Variants in CHM observed in about 807,000 individuals in gnomAD.
CHM encodes the protein rab proteins geranylgeranyltransferase component A 1.
Under a neutral mutation model 49.0 loss-of-function variants are expected in CHM, and 10 were observed. That is an observed-to-expected ratio of 0.20 (90% CI 0.13 to 0.35). CHM has a LOEUF of 0.35. Ranked by LOEUF, CHM falls within the 10% of genes least tolerant of loss-of-function variation. CHM has a pLI of 1.00. For missense variants in CHM, 455 were observed against 478.4 expected (o/e 0.95, Z 0.46); for synonymous variants, 184 against 167.5 (o/e 1.10, Z -0.76).
intron 12 of CHM, among the ~76,000 whole-genome samples, chrX:85,884,257 T>C (rs1924948378): frequency 9.0e-6 from 1 of 111,052 alleles, no homozygotes. Flanking sequence ...AAAACATAAC[T>C]TTACTACTTT....
chrX:85,943,159 A>T (rs1218376148), intron 8 of CHM, among the ~76,000 whole-genome samples: 1 of 109,930 alleles, frequency 9.1e-6, no homozygotes, highest in Admixed American at 9.8e-5. Context: ...AATGGGAGAA[A>T]ATTTTTGCAA....
rs1923571689 is a variant in CHM at position 85,864,639 on chromosome X, G to A, written c.1953C>T (p.Ser651=). ...ESTNLGNLEE[S]SE is the part of the protein sequence containing the mutation. ...GTTTGGTGTATATCCATTATTCAGAGGACTCCTCTAGGTTTCCAAGGTTTG... is the reference window on the plus strand; with the variant it reads ...GTTTGGTGTATATCCATTATTCAGAAGACTCCTCTAGGTTTCCAAGGTTTG... The change falls in exon 15 of 15, where the codon TCC becomes TCT. Residue 651 remains serine, a synonymous_variant. Transcript: ENST00000357749. 1 of 1,206,891 alleles carries A rather than the reference G, an allele frequency of 8.3e-7. No individual in the cohort carries two copies. The highest frequency in any genetic ancestry group is 2.2e-5 in the Admixed American group (1 of 45,592).
At chrX:86,029,904 A>G (rs1345411413) in intron 1 of CHM, among the ~76,000 whole-genome samples, 1 of 111,705 alleles carries the variant, frequency 9.0e-6, no homozygotes, top group Non-Finnish European at 1.9e-5. Context: ...TGTTGTTAGC[A>G]AGGGTACTTG....
intron 12 of CHM, among the ~76,000 whole-genome samples, chrX:85,886,332 A>G (rs934599115): frequency 3.6e-5 from 4 of 112,133 alleles, no homozygotes; most frequent in Non-Finnish European, 7.5e-5. Flanking sequence ...TAAAGAAACA[A>G]TTATGTGAAT....
At chrX:85,931,694 T>C (rs1928448101) in intron 8 of CHM, among the ~76,000 whole-genome samples, 1 of 111,467 alleles carries the variant, frequency 9.0e-6, no homozygotes, top group East Asian at 2.8e-4. Flanking sequence ...AAAAAAATGG[T>C]GTCACAGTGG....
In CHM at chrX:86,047,389, C is replaced by G. The variant is rs1843866910; in HGVS notation, c.49+95G>C. 5.6e-5 allele frequency: 46 copies of G among 816,553 alleles called. No individual in the cohort carries two copies. In the South Asian group the frequency reaches 9.1e-4, roughly 16 times the overall value. The allele number at this position is 816,553 out of a possible 1,213,427, so 67.3% of individuals were successfully genotyped here. A position where few individuals can be genotyped will look rare whatever the true frequency, so the allele number is the denominator to read the frequency against. On this transcript the variant is annotated intron_variant, in intron 1 of 14. Transcript: ENST00000357749. ...TTCAGTTCTCCCTCCCACTCTCGAC[C>G]CACGATGTTTGTCCCAAAACTCGCC...
chrX:85,870,656 G>A (rs375137202), intron 14 of CHM, among the ~76,000 whole-genome samples: 43 of 112,034 alleles, frequency 3.8e-4, no homozygotes, highest in African/African-American at 1.4e-3. Context: ...CCATCAGTAC[G>A]TTTGGGTAAA....
At chrX:85,888,286 G>A (rs751384085) in intron 12 of CHM, among the ~76,000 whole-genome samples, 39 of 112,016 alleles carry the variant, frequency 3.5e-4, no homozygotes, top group Non-Finnish European at 6.8e-4. Context: ...AACTCATAAC[G>A]TTATGAGTTA....
chrX:85,889,868 C>T (rs1370950636), intron 12 of CHM, among the ~76,000 whole-genome samples: 1 of 111,905 alleles, frequency 8.9e-6, no homozygotes, highest in Non-Finnish European at 1.9e-5. Context: ...ACTATGCAGC[C>T]ATAAAATCAA....
intron 1 of CHM, among the ~76,000 whole-genome samples, chrX:86,040,331 AG>A (rs1336001201): frequency 8.9e-6 from 1 of 112,087 alleles, no homozygotes; most frequent in African/African-American, 3.2e-5. Flanking sequence ...CCCTCTTGTG[AG>A]GGGTGAAACA....
At position 85,945,289 on chromosome X, in the gene CHM, G is replaced by C. The variant is rs745926716; in HGVS notation, c.1166+10864C>G. 3.6e-5 allele frequency among the ~76,000 whole-genome samples: 4 copies of C among 109,606 alleles called. No homozygotes were observed. In the South Asian group the frequency reaches 1.6e-3, roughly 45 times the overall value. ...ATCTCAAGTTGAATTGTAATCCCCA[G>C]TACTGGTGGTAGGGCCTGGTGGGAA... On this transcript the variant is annotated intron_variant, in intron 8 of 14. Coordinates refer to ENST00000357749, the MANE Select transcript of CHM (RefSeq NM_000390.4).
intron 2 of CHM, among the ~76,000 whole-genome samples, chrX:86,026,097 A>ATTTTTTT (rs1398285252): frequency 3.3e-5 from 1 of 30,492 alleles, no homozygotes; most frequent in South Asian, 2.3e-3. Flanking sequence ...AAGGTAGCAG[A>ATTTTTTT]TTTTCTTTTT....
rs1930009954 is a variant in CHM, at chrX:85,956,388, G to T, written c.941-10C>A. On this transcript the variant is annotated splice_polypyrimidine_tract_variant and intron_variant, in intron 7 of 14. Transcript: ENST00000357749. ...GTGATCTCTTCATATCCTATGAAAA[G>T]ATGAAATTTTATCACTTAAAATCAG... 4 of 1,201,538 alleles carry T rather than the reference G, an allele frequency of 3.3e-6. No homozygotes were observed. The highest frequency in any genetic ancestry group is 3.4e-6 in the Non-Finnish European group (3 of 889,557).
intron 1 of CHM, among the ~76,000 whole-genome samples, chrX:86,040,293 G>A (rs981973793): frequency 1.8e-5 from 2 of 112,202 alleles, no homozygotes; most frequent in East Asian, 2.8e-4. Flanking sequence ...CACTCGCCCC[G>A]GCTCCTGCAC....
chrX:86,047,353 C>T (rs1188959487), intron 1 of CHM, 131 bp downstream of exon 1: 1 of 600,707 alleles, frequency 1.7e-6, no homozygotes, highest in Non-Finnish European at 2.8e-6. Context: ...CTCCGGACTA[C>T]CTCACTTCCT....
intron 8 of CHM, among the ~76,000 whole-genome samples, chrX:85,921,623 A>T (rs1050388272): frequency 2.7e-5 from 3 of 112,175 alleles, no homozygotes; most frequent in Non-Finnish European, 3.8e-5. Context: ...TTGATCATCA[A>T]TGTGCTTTAG....
intron 8 of CHM, among the ~76,000 whole-genome samples, chrX:85,926,397 G>GA (rs1213492712): frequency 1.4e-4 from 15 of 110,985 alleles, no homozygotes; most frequent in African/African-American, 4.9e-4. Flanking sequence ...CCCTCTCAAA[G>GA]AACTCTGTTA....
chrX:85,913,328 A>AAAAAAAAAGAAAG (rs1927189518), intron 8 of CHM, among the ~76,000 whole-genome samples: 1 of 21,645 alleles, frequency 4.6e-5, no homozygotes, highest in African/African-American at 1.3e-4. Context: ...AAAAAAAAAA[A>AAAAAAAAAGAAAG]AAAAAAAGAA....
At chrX:86,000,559 G>T (rs1390191910) in intron 2 of CHM, among the ~76,000 whole-genome samples, 1 of 100,577 alleles carries the variant, frequency 9.9e-6, no homozygotes, top group African/African-American at 3.5e-5. Flanking sequence ...TCAAAGAACT[G>T]CAGCACTACT....
Sources: gnomAD v4.1 joint callset for allele counts (sites outside exome capture counted in the v4.1 genomes callset) on GRCh38, gnomAD v4.1.1 for gene constraint, MANE v1.5 for transcripts, NCBI Gene and HGNC (gene_info 2026-07-23, HGNC 2026-07-21) for gene names.